Variants in STXBP5 observed in about 807,000 individuals in gnomAD.
STXBP5 encodes the protein syntaxin-binding protein 5.
Under a neutral mutation model 152.4 loss-of-function variants are expected in STXBP5, and 50 were observed. The ratio of observed to expected loss-of-function variants is 0.33; its 90% CI spans 0.26 to 0.42. The LOEUF (loss-of-function observed/expected upper bound fraction) is 0.42, where lower values mean the gene tolerates loss of function less well. Ranked by LOEUF, STXBP5 falls within the 10% of genes least tolerant of loss-of-function variation. STXBP5 has a pLI of 1.00. For synonymous variants in STXBP5, 492 were observed against 494.7 expected, an observed-to-expected ratio of 0.99 and a Z score of 0.07; for missense variants, 1,167 against 1,388.6, an observed-to-expected ratio of 0.84 and a Z score of 2.54.
Position 147,390,451 on chromosome 6 carries a change from C to T in STXBP5, c.*5696C>T, listed in dbSNP as rs1384629661. 6.6e-6 allele frequency: 1 copy of T among 151,800 alleles called. No individual in the cohort carries two copies. The highest frequency in any genetic ancestry group is 1.5e-5 in the Non-Finnish European group (1 of 67,898). The allele number at this position is 151,800 out of a possible 1,614,324, so 9.4% of individuals were successfully genotyped here. On this transcript the variant is annotated 3_prime_UTR_variant, in exon 28 of 28. Transcript: ENST00000321680. The stretch of plus-strand genomic sequence containing the variant: ...GGCTCTGATTGGGCAAAATAAAATA[C>T]TCTAATCTCTCCTGAAACTAAACAA...
At chr6:147,251,800 C>T (rs979000149) in intron 4 of STXBP5, among the ~76,000 whole-genome samples, 1 of 151,348 alleles carries the variant, frequency 6.6e-6, no homozygotes, top group African/African-American at 2.4e-5. Context: ...TACTGGGAGA[C>T]ACCTCGCAGC....
In STXBP5 at chr6:147,204,431, C is replaced by A; in HGVS notation, c.-102C>A. The A allele has an allele frequency of 1.7e-6, 2 of 1,151,340 alleles. No individual in the cohort carries two copies. Among genetic ancestry groups the A allele is most frequent in the South Asian group, 1.4e-5 (1 of 70,708 alleles). 71.3% of individuals were successfully genotyped at this position (1,151,340 alleles called of 1,614,324 possible). A position where few individuals can be genotyped will look rare whatever the true frequency, so the allele number is the denominator to read the frequency against. On this transcript the variant is annotated 5_prime_UTR_variant, in exon 1 of 28. Coordinates refer to ENST00000321680, the MANE Select transcript of STXBP5 (RefSeq NM_001127715.4). The surrounding 1 kb of genome is among the most constrained non-coding windows in gnomAD (Gnocchi z 4.3). ...TCCTTACCCTCACACTCCCACTCCT[C>A]CGTTTCCGCGGTCGAAGCTGCCTTC...
Position 147,260,810 on chromosome 6 carries a change from A to C in STXBP5, c.566+61A>C, listed in dbSNP as rs192137906. The C allele has an allele frequency of 1.0e-3, 1,557 of 1,542,458 alleles. 31 individuals are homozygous for C. In the East Asian group the frequency reaches 0.033, roughly 33 times the overall value. On this transcript the variant is annotated intron_variant, in intron 5 of 27. Transcript: ENST00000321680. ...CAGTTCTATATATAATAATACCGTT[A>C]CATCATAGCCAATCAGTAAATCTGT...
At chr6:147,364,728 CA>C (rs1409728651) in intron 25 of STXBP5, among the ~76,000 whole-genome samples, 2 of 152,106 alleles carry the variant, frequency 1.3e-5, no homozygotes, top group African/African-American at 4.8e-5. Context: ...TCGAAGTGAT[CA>C]GTTTAGCTTT....
At chr6:147,256,833 T>A (rs1236296443) in intron 4 of STXBP5, among the ~76,000 whole-genome samples, 1 of 152,190 alleles carries the variant, frequency 6.6e-6, no homozygotes, top group Non-Finnish European at 1.5e-5. Context: ...GATATTATGA[T>A]ATTTGCTGAG....
rs748804277 is a variant in STXBP5 at position 147,239,944 on chromosome 6, CTTT to C, written c.431+686_431+688del. Among the ~76,000 whole-genome samples the C allele has an allele frequency of 2.4e-4, 35 of 143,618 alleles. No homozygotes were observed. The East Asian group carries it at 5.6e-3, about 23-fold the overall frequency. 94.2% of individuals were successfully genotyped at this position (143,618 alleles called of 152,430 possible). A position where few individuals can be genotyped will look rare whatever the true frequency, so the allele number is the denominator to read the frequency against. ...ATCCCCTATATGTTTTTGTGGTACT[CTTT>C]TTTTTTTTTTTCTGAGACCTGGTCT... On this transcript the variant is annotated intron_variant, in intron 4 of 27. Coordinates refer to ENST00000321680, the MANE Select transcript of STXBP5 (RefSeq NM_001127715.4).
At chr6:147,251,879 A>G (rs1005215827) in intron 4 of STXBP5, among the ~76,000 whole-genome samples, 1 of 152,218 alleles carries the variant, frequency 6.6e-6, no homozygotes, top group Non-Finnish European at 1.5e-5. Flanking sequence ...TGAAGCATCC[A>G]GAGGAAGGAA....
Position 147,384,032 on chromosome 6 carries a change from G to A in STXBP5, c.3415-682G>A, listed in dbSNP as rs146248717. On this transcript the variant is annotated intron_variant, in intron 27 of 27. Coordinates refer to ENST00000321680, the MANE Select transcript of STXBP5 (RefSeq NM_001127715.4). ...AGCATGTAGCATTTCAGTCAATTTC[G>A]GAATATATTCACACTCTGAATATTT... Among the ~76,000 whole-genome samples the A allele has an allele frequency of 2.8e-3, 431 of 152,042 alleles. 1 individual carries two copies. Among genetic ancestry groups the A allele is most frequent in the Non-Finnish European group, 4.5e-3 (309 of 67,964 alleles).
At chr6:147,332,732 G>T (rs547348198) in intron 18 of STXBP5, among the ~76,000 whole-genome samples, 1 of 152,146 alleles carries the variant, frequency 6.6e-6, no homozygotes, top group Non-Finnish European at 1.5e-5. Context: ...TGAGATGAAG[G>T]CACTGAATGG....
At chr6:147,383,963 G>A (rs1319228280) in intron 27 of STXBP5, among the ~76,000 whole-genome samples, 2 of 152,104 alleles carry the variant, frequency 1.3e-5, no homozygotes, top group South Asian at 2.1e-4. Flanking sequence ...TCTAGGTCAG[G>A]ATTTTTGTTG....
intron 6 of STXBP5, among the ~76,000 whole-genome samples, chr6:147,262,948 C>T (rs1779712179): frequency 6.6e-6 from 1 of 151,846 alleles, no homozygotes; most frequent in South Asian, 2.1e-4. Flanking sequence ...TCAAACCAGT[C>T]TTTCAGATAG....
chr6:147,266,133 A>G (rs910439970), intron 6 of STXBP5, among the ~76,000 whole-genome samples: 3 of 152,134 alleles, frequency 2.0e-5, no homozygotes, highest in Non-Finnish European at 2.9e-5. Flanking sequence ...ACTTAAGAAT[A>G]TACTGTAATG....
chr6:147,314,127 G>C, intron 12 of STXBP5, 96 bp downstream of exon 12: 1 of 1,478,516 alleles, frequency 6.8e-7, no homozygotes, highest in Non-Finnish European at 9.2e-7. Flanking sequence ...CTTTTCTATG[G>C]AAAATAGGTT....
At chr6:147,327,793 C>T (rs532229313) in intron 18 of STXBP5, among the ~76,000 whole-genome samples, 34 of 152,168 alleles carry the variant, frequency 2.2e-4, no homozygotes, top group African/African-American at 7.5e-4. Context: ...GAAAGAACCA[C>T]GGGATCAAAC....
intron 2 of STXBP5, among the ~76,000 whole-genome samples, chr6:147,224,449 C>A (rs1777610833): frequency 6.6e-6 from 1 of 151,976 alleles, no homozygotes; most frequent in Non-Finnish European, 1.5e-5. Flanking sequence ...ATAAAATAAA[C>A]CGAACTAAAC....
intron 25 of STXBP5, among the ~76,000 whole-genome samples, chr6:147,369,239 A>G (rs1785434045): frequency 6.6e-6 from 1 of 152,050 alleles, no homozygotes; most frequent in East Asian, 1.9e-4. Flanking sequence ...CTTTTCAACA[A>G]GTAGTGCTGG....
intron 11 of STXBP5, among the ~76,000 whole-genome samples, chr6:147,311,810 G>A (rs908426446): frequency 2.6e-5 from 4 of 152,032 alleles, no homozygotes; most frequent in Admixed American, 6.6e-5. Context: ...AAATCAGCAC[G>A]TCAAAAATTA....
chr6:147,332,114 A>G (rs563041741), intron 18 of STXBP5, among the ~76,000 whole-genome samples: 2 of 152,336 alleles, frequency 1.3e-5, no homozygotes, highest in East Asian at 3.9e-4. Flanking sequence ...TGCTAGGAAT[A>G]TTTGTTGAAG....
chr6:147,225,038 G>A (rs755944640), intron 2 of STXBP5, among the ~76,000 whole-genome samples: 1 of 152,060 alleles, frequency 6.6e-6, no homozygotes, highest in Admixed American at 6.6e-5. Flanking sequence ...TACTTAAAAA[G>A]GTTTAAATTA....
Sources: gnomAD v4.1 joint callset for allele counts (sites outside exome capture counted in the v4.1 genomes callset) on GRCh38, gnomAD v4.1.1 for gene constraint, Gnocchi (gnomAD v3.1) non-coding constraint, MANE v1.5 for transcripts, NCBI Gene and HGNC (gene_info 2026-07-23, HGNC 2026-07-21) for gene names.